The following GPR158 variants were observed in gnomAD, a reference collection of about 807,000 sequenced individuals.
GPR158 encodes G protein-coupled receptor 158.
In GPR158, 30 loss-of-function variants were observed where a neutral mutation model predicts 78.2. The observed-to-expected ratio is 0.38, with a 90% CI of 0.29 to 0.52. The LOEUF (loss-of-function observed/expected upper bound fraction) is 0.52, where lower values mean the gene tolerates loss of function less well. Among genes scored for constraint, GPR158 ranks in the 20% least tolerant of loss-of-function variants. The pLI is 0.83. For synonymous variants in GPR158, 581 were observed against 591.1 expected (o/e 0.98, Z 0.25); for missense variants, 1,463 against 1,523.5 (o/e 0.96, Z 0.66).
At chr10:25,262,278 G>A (rs1008513386) in intron 2 of GPR158, among the ~76,000 whole-genome samples, 8 of 152,210 alleles carry the variant, frequency 5.3e-5, no homozygotes, top group East Asian at 1.9e-4. Flanking sequence ...ATACACTTGG[G>A]CAAGTTGGTC....
At chr10:25,241,131 TTC>T (rs1184843150) in intron 2 of GPR158, among the ~76,000 whole-genome samples, 1 of 34,066 alleles carries the variant, frequency 2.9e-5, no homozygotes, top group African/African-American at 8.4e-5. Context: ...TTGATTTTCT[TTC>T]TTTCTTTCTT....
At chr10:25,399,150 G>C (rs1834407810) in intron 3 of GPR158, among the ~76,000 whole-genome samples, 3 of 152,178 alleles carry the variant, frequency 2.0e-5, no homozygotes, top group African/African-American at 7.2e-5. Context: ...GAAAGAATGA[G>C]TGTCGAGCGA....
At chr10:25,298,830 C>G (rs1174320110) in intron 2 of GPR158, among the ~76,000 whole-genome samples, 1 of 152,130 alleles carries the variant, frequency 6.6e-6, no homozygotes, top group East Asian at 1.9e-4. Flanking sequence ...TATTTCTCTT[C>G]TACTAGAGCC....
intron 2 of GPR158, among the ~76,000 whole-genome samples, chr10:25,266,205 G>T (rs1564406193): frequency 6.6e-6 from 1 of 152,076 alleles, no homozygotes; most frequent in African/African-American, 2.4e-5. Flanking sequence ...CATAGAACTG[G>T]GTTTCTTTCT....
At chr10:25,433,931 G>A (rs1834960399) in intron 4 of GPR158, among the ~76,000 whole-genome samples, 1 of 151,864 alleles carries the variant, frequency 6.6e-6, no homozygotes, top group Non-Finnish European at 1.5e-5. Context: ...AGGCCGAGGT[G>A]GGTGGATCAC....
chr10:25,287,154 G>C (rs571566864), intron 2 of GPR158, among the ~76,000 whole-genome samples: 2 of 152,124 alleles, frequency 1.3e-5, no homozygotes, highest in South Asian at 2.1e-4. Flanking sequence ...TTTTCTCCAA[G>C]ATGTAGAGAG....
intron 5 of GPR158, among the ~76,000 whole-genome samples, chr10:25,527,494 G>T (rs1836366157): frequency 6.6e-6 from 1 of 152,070 alleles, no homozygotes; most frequent in Non-Finnish European, 1.5e-5. Flanking sequence ...CAATTAGCGT[G>T]TAAAACAAGA....
chr10:25,359,111 A>T (rs2130530776), intron 2 of GPR158, among the ~76,000 whole-genome samples: 1 of 151,896 alleles, frequency 6.6e-6, no homozygotes, highest in South Asian at 2.1e-4. Flanking sequence ...CAATTTTGTC[A>T]TTTTTATTTT....
chr10:25,586,391 ATTTTT>A (rs71399977), intron 7 of GPR158, among the ~76,000 whole-genome samples: 300 of 70,844 alleles, frequency 4.2e-3, no homozygotes, highest in African/African-American at 0.01. Context: ...GTATGTGTGA[ATTTTT>A]TTTTTTTTTT....
chr10:25,223,656 C>G (rs1853332487), intron 2 of GPR158, among the ~76,000 whole-genome samples: 1 of 152,150 alleles, frequency 6.6e-6, no homozygotes, highest in Non-Finnish European at 1.5e-5. Flanking sequence ...TCTGGCTCTA[C>G]TTTATTCTTT....
chr10:25,180,085 C>T (rs1852595195), intron 1 of GPR158, among the ~76,000 whole-genome samples: 2 of 151,948 alleles, frequency 1.3e-5, no homozygotes, highest in African/African-American at 4.8e-5. Flanking sequence ...TTTAAAATTC[C>T]TTTAAAGAAT....
At chr10:25,384,035 G>T (rs1331852342) in intron 2 of GPR158, among the ~76,000 whole-genome samples, 2 of 152,034 alleles carry the variant, frequency 1.3e-5, no homozygotes, top group Non-Finnish European at 2.9e-5. Flanking sequence ...AGCAGTGCCT[G>T]GTATGTGGTA....
intron 2 of GPR158, among the ~76,000 whole-genome samples, chr10:25,357,725 C>T (rs1336743123): frequency 3.9e-5 from 6 of 151,980 alleles, no homozygotes; most frequent in East Asian, 1.9e-4. Flanking sequence ...GCTACAGGGG[C>T]GGGGACTTCA....
chr10:25,412,359 A>G lies in GPR158; in HGVS notation c.1221A>G (p.Pro407=). 6.2e-7 allele frequency: 1 copy of G among 1,613,634 alleles called. No homozygotes were observed. The highest frequency in any genetic ancestry group is 8.5e-7 in the Non-Finnish European group (1 of 1,179,496). Residue 407 remains proline (P), a synonymous_variant, in exon 4 of 11, where the codon CCA becomes CCG. Coordinates refer to ENST00000376351, the MANE Select transcript of GPR158 (RefSeq NM_020752.3). ...EGCPFCADDS[P]CFVQEDKYLR... ...GCCCCTTCTGTGCTGATGACAGCCC[A>G]TGCTTCGTCCAGGAAGATAAGTATT...
chr10:25,351,218 C>T (rs1013376144), intron 2 of GPR158, among the ~76,000 whole-genome samples: 10 of 151,868 alleles, frequency 6.6e-5, no homozygotes, highest in African/African-American at 1.2e-4. Flanking sequence ...GATTCTGTTT[C>T]GAACTTAGTT....
At chr10:25,553,432 T>C (rs1425893403) in intron 6 of GPR158, among the ~76,000 whole-genome samples, 2 of 152,304 alleles carry the variant, frequency 1.3e-5, no homozygotes, top group East Asian at 3.9e-4. Context: ...ATCATTCTTA[T>C]CCTCTGTGAA....
intron 2 of GPR158, among the ~76,000 whole-genome samples, chr10:25,241,372 C>CTCTTCTCTTCTCTTCTCTTCTCTTCTCT (rs1554787300): frequency 2.9e-5 from 3 of 102,950 alleles, no homozygotes; most frequent in African/African-American, 1.7e-4. Flanking sequence ...CTTTTCTTTT[C>CTCTTCTCTTCTCTTCTCTTCTCTTCTCT]TCTCTTCTCT....
rs186071746 is a variant in GPR158, at chr10:25,387,919, A to G, written c.1009-7992A>G. ...GACATCTGGTTATGGGCACTTTTTT[A>G]TTGGGAAGTTTTTTGATTACTGAAT... On this transcript the variant is annotated intron_variant, in intron 2 of 10. Transcript: ENST00000376351. 3.7e-4 allele frequency among the ~76,000 whole-genome samples: 56 copies of G among 152,164 alleles called. No homozygotes were observed. The East Asian group carries it at 8.1e-3, about 22-fold the overall frequency.
intron 2 of GPR158, among the ~76,000 whole-genome samples, chr10:25,344,915 C>T (rs1165177245): frequency 6.6e-6 from 1 of 151,976 alleles, no homozygotes; most frequent in Non-Finnish European, 1.5e-5. Flanking sequence ...ACTTCTCACT[C>T]TATCTTCAAA....
Sources: allele counts gnomAD v4.1 joint callset (sites outside exome capture counted in the v4.1 genomes callset), GRCh38; gene constraint gnomAD v4.1.1; transcripts MANE v1.5; gene names NCBI Gene and HGNC (gene_info 2026-07-23, HGNC 2026-07-21).